The following AUTS2 variants were observed in gnomAD, a reference collection of about 807,000 sequenced individuals.
The protein encoded by AUTS2 is autism susceptibility gene 2 protein.
AUTS2 carries 17 observed loss-of-function variants against 112.4 expected under a neutral mutation model. That is an observed-to-expected ratio of 0.15 (90% CI 0.10 to 0.23). AUTS2 has a LOEUF of 0.23. Ranked by LOEUF, AUTS2 falls within the 10% of genes least tolerant of loss-of-function variation. The pLI is 1.00. For missense variants in AUTS2, 1,510 were observed against 1,701.6 expected, an observed-to-expected ratio of 0.89 and a Z score of 1.98; for synonymous variants, 751 against 702.7, an observed-to-expected ratio of 1.07 and a Z score of -1.09.
chr7:70,614,017 G>T (rs1375189431), intron 5 of AUTS2, among the ~76,000 whole-genome samples: 2 of 152,202 alleles, frequency 1.3e-5, no homozygotes, highest in African/African-American at 4.8e-5. Context: ...GTGGGTGGCG[G>T]CTAAACAGGG....
Position 70,659,515 on chromosome 7 carries a change from T to C in AUTS2, c.691-39054T>C, listed in dbSNP as rs527948513. Among the ~76,000 whole-genome samples, 3 of 152,304 alleles carry C rather than the reference T, an allele frequency of 2.0e-5. No individual in the cohort carries two copies. The East Asian group carries it at 5.8e-4, about 29-fold the overall frequency. On this transcript the variant is annotated intron_variant, in intron 5 of 18. Transcript: ENST00000342771. ...GCCATGTGACCCCGGGCATGTTAAC[T>C]GAGCTCAGCTTCCTTGTTTGTAACA...
chr7:69,645,143 C>T (rs569164113), intron 1 of AUTS2, among the ~76,000 whole-genome samples: 129 of 150,800 alleles, frequency 8.6e-4, no homozygotes, highest in Non-Finnish European at 1.6e-3. Flanking sequence ...AACTTCTGAC[C>T]TCAAGTGATC....
chr7:70,788,391 A>G (rs1333864453), intron 18 of AUTS2, among the ~76,000 whole-genome samples: 2 of 152,244 alleles, frequency 1.3e-5, no homozygotes, highest in African/African-American at 2.4e-5. Context: ...ATCAGAGGCC[A>G]TCATGCTGAC....
chr7:70,462,075 A>T (rs1289154035), intron 5 of AUTS2, among the ~76,000 whole-genome samples: 1 of 152,112 alleles, frequency 6.6e-6, no homozygotes, highest in Non-Finnish European at 1.5e-5. Context: ...AACATGGTGA[A>T]ACCCCATCTC....
chr7:70,790,677 G>T lies in AUTS2; in HGVS notation c.3461G>T (p.Arg1154Leu), dbSNP rs1234817815. The T allele has an allele frequency of 1.9e-6, 3 of 1,613,470 alleles. No individual in the cohort carries two copies. The African/African-American group carries it at 4.0e-5, about 22-fold the overall frequency. Residue 1154 changes from arginine to leucine, a missense_variant, in exon 19 of 19, where the codon CGC (arginine) becomes CTC (leucine). Physicochemically the swap from Arg to Leu is moderately radical, Grantham distance 102. This residue lies in a region of AUTS2 where 788 missense variants were observed against 797.6 expected (regional missense o/e 0.99). Transcript: ENST00000342771. This position sits in a 1 kb window ranked among gnomAD's most constrained non-coding sequence, Gnocchi z 7.6. ...GGAGGCCACCTGGACGAGCGGGAGCGCTTGCACATGCTCAGAGAAGACTAC... is the reference window on the plus strand; with the variant it reads ...GGAGGCCACCTGGACGAGCGGGAGCTCTTGCACATGCTCAGAGAAGACTAC... ...ERGGHLDERE[R>L]LHMLREDYEH...
chr7:70,743,205 C>T (rs1788222459), intron 6 of AUTS2, among the ~76,000 whole-genome samples: 1 of 152,104 alleles, frequency 6.6e-6, no homozygotes, highest in South Asian at 2.1e-4. Context: ...CTGTGGCACA[C>T]ACCTGTAATC....
intron 5 of AUTS2, among the ~76,000 whole-genome samples, chr7:70,542,932 T>C (rs1800611776): frequency 1.3e-5 from 2 of 152,086 alleles, no homozygotes; most frequent in African/African-American, 4.8e-5. Context: ...AAATAGTAAG[T>C]GAAAAAAATA....
At chr7:69,814,001 C>A (rs1416828699) in intron 1 of AUTS2, among the ~76,000 whole-genome samples, 4 of 152,120 alleles carry the variant, frequency 2.6e-5, no homozygotes, top group African/African-American at 4.8e-5. Context: ...GAGCCCAGGG[C>A]AATTGGAACT....
chr7:69,715,466 G>A (rs1417678877), intron 1 of AUTS2, among the ~76,000 whole-genome samples: 2 of 152,138 alleles, frequency 1.3e-5, no homozygotes, highest in Non-Finnish European at 2.9e-5. Context: ...CCAGATCCTT[G>A]GTTCACAGAC....
At chr7:70,525,257 T>C (rs1298230833) in intron 5 of AUTS2, among the ~76,000 whole-genome samples, 1 of 152,176 alleles carries the variant, frequency 6.6e-6, no homozygotes, top group African/African-American at 2.4e-5. Flanking sequence ...TCCTATTCCT[T>C]TTTCTCACGA....
intron 1 of AUTS2, among the ~76,000 whole-genome samples, chr7:69,865,045 C>T (rs1418958933): frequency 1.3e-5 from 2 of 151,458 alleles, no homozygotes; most frequent in Non-Finnish European, 2.9e-5. Context: ...TTTTCACTCA[C>T]AGACGTGAAT....
chr7:70,729,574 A>G (rs1787245234), intron 6 of AUTS2, among the ~76,000 whole-genome samples: 1 of 152,240 alleles, frequency 6.6e-6, no homozygotes, highest in African/African-American at 2.4e-5. Context: ...ACTCTTCAGT[A>G]AACTCCTAGT....
At chr7:69,940,554 C>T (rs562661704) in intron 2 of AUTS2, among the ~76,000 whole-genome samples, 1 of 152,192 alleles carries the variant, frequency 6.6e-6, no homozygotes, top group East Asian at 1.9e-4. Context: ...ATCATGAAGT[C>T]CTCCGTAGGT....
chr7:70,266,308 T>G (rs766118164), intron 4 of AUTS2, among the ~76,000 whole-genome samples: 1 of 152,188 alleles, frequency 6.6e-6, no homozygotes, highest in East Asian at 1.9e-4. Flanking sequence ...ACATACTGAT[T>G]GTATGAGTAC....
intron 1 of AUTS2, among the ~76,000 whole-genome samples, chr7:69,670,773 A>T (rs1796283548): frequency 6.6e-6 from 1 of 152,022 alleles, no homozygotes; most frequent in African/African-American, 2.4e-5. Context: ...CTGAAGTGGG[A>T]GGATCGCCTG....
chr7:70,696,128 GAAC>G (rs1394573108), intron 5 of AUTS2, among the ~76,000 whole-genome samples: 7 of 152,140 alleles, frequency 4.6e-5, no homozygotes, highest in Non-Finnish European at 1.0e-4. Flanking sequence ...CAGACCCAAG[GAAC>G]AAATCATTTG....
intron 3 of AUTS2, among the ~76,000 whole-genome samples, chr7:70,125,675 G>T (rs903775362): frequency 3.9e-5 from 6 of 152,144 alleles, no homozygotes; most frequent in African/African-American, 1.4e-4. Flanking sequence ...AAGACTCAGG[G>T]ATTCCACCTG....
At chr7:70,037,159 G>A (rs1801042510) in intron 2 of AUTS2, among the ~76,000 whole-genome samples, 1 of 152,142 alleles carries the variant, frequency 6.6e-6, no homozygotes, top group African/African-American at 2.4e-5. Flanking sequence ...AAAATTGCAT[G>A]ATTTCACATA....
chr7:70,379,510 A>C (rs1793270780), intron 4 of AUTS2, among the ~76,000 whole-genome samples: 1 of 152,026 alleles, frequency 6.6e-6, no homozygotes, highest in Non-Finnish European at 1.5e-5. Flanking sequence ...TCAAAAAAAA[A>C]AAAAGAAAGA....
Sources: allele counts gnomAD v4.1 joint callset (sites outside exome capture counted in the v4.1 genomes callset), GRCh38; gene constraint gnomAD v4.1.1; regional missense constraint gnomAD v4.1.1; non-coding constraint Gnocchi (gnomAD v3.1); transcripts MANE v1.5; gene names NCBI Gene and HGNC (gene_info 2026-07-23, HGNC 2026-07-21).